Variants in STX8 observed in about 807,000 individuals in gnomAD.
The protein encoded by STX8 is syntaxin-8.
STX8 carries 23 observed loss-of-function variants against 37.5 expected under a neutral mutation model. That is an observed-to-expected ratio of 0.61 (90% CI 0.44 to 0.87). STX8 has a LOEUF of 0.87. Ranked by LOEUF, STX8 falls within the 40% of genes least tolerant of loss-of-function variation. The probability of loss-of-function intolerance (pLI) is 0.00; values close to 1 mark genes in which losing one functional copy is unlikely to be tolerated. For synonymous variants in STX8, 115 were observed against 99.1 expected, an observed-to-expected ratio of 1.16 and a Z score of -0.95; for missense variants, 313 against 284.7, an observed-to-expected ratio of 1.10 and a Z score of -0.71.
At chr17:9,517,413 T>C (rs1271481269) in intron 4 of STX8, among the ~76,000 whole-genome samples, 1 of 152,146 alleles carries the variant, frequency 6.6e-6, no homozygotes, top group Admixed American at 6.5e-5. Context: ...GTCAGGAAAT[T>C]ACAGTATCAC....
intron 6 of STX8, among the ~76,000 whole-genome samples, chr17:9,417,511 TTG>T (rs1383757441): frequency 6.6e-6 from 1 of 152,174 alleles, no homozygotes; most frequent in Non-Finnish European, 1.5e-5. Context: ...CCTAAAACTC[TTG>T]TGATTTCCTT....
intron 4 of STX8, among the ~76,000 whole-genome samples, chr17:9,522,678 C>G (rs893698131): frequency 7.9e-5 from 12 of 151,740 alleles, no homozygotes; most frequent in African/African-American, 2.9e-4. Context: ...CGCCACTGCA[C>G]TCCAGCCTGG....
At chr17:9,340,576 A>G (rs7208976) in intron 7 of STX8, among the ~76,000 whole-genome samples, 121,834 of 151,020 alleles carry the variant, frequency 0.81, 50,075 homozygotes, top group East Asian at 0.91. Context: ...TATGAATCCT[A>G]AAGTTATCTT....
At chr17:9,457,752 GA>G (rs1404151318) in intron 6 of STX8, among the ~76,000 whole-genome samples, 1 of 152,218 alleles carries the variant, frequency 6.6e-6, no homozygotes, top group African/African-American at 2.4e-5. Context: ...CTTTGTAGAG[GA>G]ATAAAAAAGG....
chr17:9,526,257 G>C (rs1162752814), intron 4 of STX8, among the ~76,000 whole-genome samples: 1 of 152,172 alleles, frequency 6.6e-6, no homozygotes, highest in African/African-American at 2.4e-5. Context: ...TTCACCATGG[G>C]CACAACGACT....
intron 7 of STX8, among the ~76,000 whole-genome samples, chr17:9,268,120 T>C (rs1031656378): frequency 3.3e-5 from 5 of 152,054 alleles, no homozygotes; most frequent in Non-Finnish European, 5.9e-5. Flanking sequence ...CTCTAGGCCT[T>C]GGAACCCTAA....
chr17:9,420,821 C>T (rs924917460), intron 6 of STX8, among the ~76,000 whole-genome samples: 1 of 152,170 alleles, frequency 6.6e-6, no homozygotes, highest in African/African-American at 2.4e-5. Context: ...AGAGTTTGCA[C>T]TCTCGTTTTA....
chr17:9,275,867 CAAAAAAAGA>C (rs1428759472), intron 7 of STX8, among the ~76,000 whole-genome samples: 3 of 141,706 alleles, frequency 2.1e-5, no homozygotes, highest in Non-Finnish European at 3.0e-5. Context: ...GACTCTGCCT[CAAAAAAAGA>C]AAAAAAAGAA....
chr17:9,415,514 G>A (rs538293725), intron 6 of STX8, among the ~76,000 whole-genome samples: 8 of 152,074 alleles, frequency 5.3e-5, no homozygotes, highest in African/African-American at 1.7e-4. Context: ...GCTCACTCCT[G>A]TAATCCCAGC....
chr17:9,504,702 C>T (rs373459920), intron 5 of STX8, among the ~76,000 whole-genome samples: 4 of 152,102 alleles, frequency 2.6e-5, no homozygotes, highest in East Asian at 1.9e-4. Context: ...TGGCCGGGCA[C>T]GGTGGCTCAC....
chr17:9,444,006 G>T (rs1387188457), intron 6 of STX8, among the ~76,000 whole-genome samples: 2 of 151,962 alleles, frequency 1.3e-5, no homozygotes, highest in Non-Finnish European at 2.9e-5. Context: ...TTCTGTCATC[G>T]TGTTCATTCA....
At chr17:9,375,241 G>A (rs1415973383) in intron 7 of STX8, among the ~76,000 whole-genome samples, 1 of 151,856 alleles carries the variant, frequency 6.6e-6, no homozygotes, top group Non-Finnish European at 1.5e-5. Flanking sequence ...TTTAAAATAT[G>A]GACACAAGTT....
chr17:9,373,131 GA>G lies in STX8; in HGVS notation c.643+5420del, dbSNP rs200421371. Among the ~76,000 whole-genome samples the G allele has an allele frequency of 3.4e-3, 507 of 147,004 alleles. 1 individual carries two copies. Among genetic ancestry groups the G allele is most frequent in the African/African-American group, 0.012 (471 of 38,998 alleles). On this transcript the variant is annotated intron_variant, in intron 7 of 7. Coordinates refer to ENST00000306357, the MANE Select transcript of STX8 (RefSeq NM_004853.3). ...TCAAAAAAAAAAAAAGAAAAGAAAA[GA>G]AAAAGAAAAAGAAAAAGAAAATACT... is the stretch of plus-strand genomic sequence containing the variant.
chr17:9,396,425 T>C (rs1313470432), intron 6 of STX8, among the ~76,000 whole-genome samples: 1 of 152,116 alleles, frequency 6.6e-6, no homozygotes, highest in Non-Finnish European at 1.5e-5. Flanking sequence ...GGCTCACGCC[T>C]GTAATCCCGC....
intron 6 of STX8, among the ~76,000 whole-genome samples, chr17:9,448,817 G>A (rs1333741788): frequency 6.6e-6 from 1 of 151,884 alleles, no homozygotes; most frequent in East Asian, 1.9e-4. Flanking sequence ...AAATGAATGA[G>A]GACTGACTCT....
At chr17:9,323,308 GA>G (rs201129792) in intron 7 of STX8, among the ~76,000 whole-genome samples, 26 of 151,924 alleles carry the variant, frequency 1.7e-4, no homozygotes, top group East Asian at 1.5e-3. Context: ...ACCTTAGGGG[GA>G]AAAAATCAAT....
intron 4 of STX8, among the ~76,000 whole-genome samples, chr17:9,541,542 C>T (rs1906278613): frequency 6.6e-6 from 1 of 152,128 alleles, no homozygotes; most frequent in African/African-American, 2.4e-5. Flanking sequence ...GTCCTAACAA[C>T]AACGAAAAAT....
At position 9,391,365 on chromosome 17, in the gene STX8, T is replaced by C. The variant is rs181287986; in HGVS notation, c.542-12712A>G. Reference sequence around the variant, plus strand: ...TACTTGGGAGGCTGAGGCAGGAGAATTGCTTGAACCTGGGAAGTGGAGGTT... The same window carrying C: ...TACTTGGGAGGCTGAGGCAGGAGAACTGCTTGAACCTGGGAAGTGGAGGTT... On this transcript the variant is annotated intron_variant, in intron 6 of 7. Transcript: ENST00000306357. 7.2e-3 allele frequency among the ~76,000 whole-genome samples: 1,089 copies of C among 152,090 alleles called. 16 individuals are homozygous for C. Among genetic ancestry groups the C allele is most frequent in the African/African-American group, 0.025 (1,030 of 41,488 alleles).
rs528356744 is a variant in STX8, at chr17:9,499,134, ATT to A, written c.448+5902_448+5903del. 5.3e-5 allele frequency among the ~76,000 whole-genome samples: 8 copies of A among 152,264 alleles called. No homozygotes were observed. In the South Asian group the frequency reaches 1.2e-3, roughly 24 times the overall value. ...ACCAGTAAACTGTAATTTTGGGATG[ATT>A]TTCAAAGTTTCTAAGGGTCAGCTAG... On this transcript the variant is annotated intron_variant, in intron 5 of 7. Coordinates refer to ENST00000306357, the MANE Select transcript of STX8 (RefSeq NM_004853.3).
Sources: gnomAD v4.1 joint callset for allele counts (sites outside exome capture counted in the v4.1 genomes callset) on GRCh38, gnomAD v4.1.1 for gene constraint, MANE v1.5 for transcripts, NCBI Gene and HGNC (gene_info 2026-07-23, HGNC 2026-07-21) for gene names.